ATP6V0A4: variants seen among roughly 807,000 people sequenced by gnomAD.
ATP6V0A4 encodes the protein V-type proton ATPase 116 kDa subunit a 4.
ATP6V0A4 carries 86 observed loss-of-function variants against 107.3 expected under a neutral mutation model. The observed-to-expected ratio is 0.80, with a 90% CI of 0.67 to 0.96. ATP6V0A4 has a LOEUF of 0.96. Among genes scored for constraint, ATP6V0A4 ranks in the 40% least tolerant of loss-of-function variants. The pLI, the probability that ATP6V0A4 is intolerant of heterozygous loss-of-function variation, is 0.00. For missense variants in ATP6V0A4, 908 were observed against 1,045.6 expected, an observed-to-expected ratio of 0.87 and a Z score of 1.81; for synonymous variants, 353 against 381.4, an observed-to-expected ratio of 0.93 and a Z score of 0.87.
chr7:138,756,458 C>A lies in ATP6V0A4; in HGVS notation c.722G>T (p.Gly241Val). 1 of 1,613,650 alleles carries A rather than the reference C, an allele frequency of 6.2e-7. No individual in the cohort carries two copies. The highest frequency in any genetic ancestry group is 8.5e-7 in the Non-Finnish European group (1 of 1,179,960). ...LRQKIKKICD[G>V]FRATVYPCPE... is the part of the protein sequence containing the mutation. Reference sequence around the variant, plus strand: ...GAAAGAGCCATTCACTCCCTCTTACCCATCACAGATCTTCTTGATTTTCTG... The same window carrying A: ...GAAAGAGCCATTCACTCCCTCTTACACATCACAGATCTTCTTGATTTTCTG... The change falls in exon 9 of 22, where the codon GGG becomes GTG. Residue 241 changes from glycine (G) to valine (V), a missense_variant and splice_region_variant. Gly to Val is a moderately radical substitution (Grantham distance 109, BLOSUM62 -3). Coordinates refer to ENST00000310018, the MANE Select transcript of ATP6V0A4 (RefSeq NM_020632.3).
intron 20 of ATP6V0A4, among the ~76,000 whole-genome samples, chr7:138,710,914 G>A (rs371883623): frequency 1.8e-4 from 27 of 152,272 alleles, no homozygotes; most frequent in African/African-American, 5.8e-4. Flanking sequence ...CCAAGTCAGA[G>A]GAATTCGAAG....
In ATP6V0A4 at chr7:138,749,158, G is replaced by A; in HGVS notation, c.1180+9C>T. On this transcript the variant is annotated intron_variant, in intron 12 of 21. Coordinates refer to ENST00000310018, the MANE Select transcript of ATP6V0A4 (RefSeq NM_020632.3). ...AGCTACCCAGTCGTGCAGTTCATCA[G>A]ATCTTTACCTGGGTTTATCTCCCGG... The A allele has an allele frequency of 1.2e-6, 2 of 1,613,946 alleles. No homozygotes were observed. The highest frequency in any genetic ancestry group is 8.5e-7 in the Non-Finnish European group (1 of 1,179,996).
chr7:138,761,599 C>T lies in ATP6V0A4; in HGVS notation c.512+741G>A. Among the ~76,000 whole-genome samples, 2 of 151,190 alleles carry T rather than the reference C, an allele frequency of 1.3e-5. 1 individual carries two copies. Among genetic ancestry groups the T allele is most frequent in the Non-Finnish European group, 2.9e-5 (2 of 67,888 alleles). On this transcript the variant is annotated intron_variant, in intron 7 of 21. Coordinates refer to ENST00000310018, the MANE Select transcript of ATP6V0A4 (RefSeq NM_020632.3). ...TAAGTCGAGATCAGGCCACTGCACTCCAGCCTGGACGACAGAGCAAGACTC... is the reference window on the plus strand; with the variant it reads ...TAAGTCGAGATCAGGCCACTGCACTTCAGCCTGGACGACAGAGCAAGACTC...
Position 138,709,798 on chromosome 7 carries a change from G to A in ATP6V0A4, c.2258-3C>T, listed in dbSNP as rs1417046841. The stretch of plus-strand genomic sequence containing the variant: ...AGTCCAGAGCACTTCAGACAGTTCT[G>A]CAAGGTACGAGAAACCACTGGGATT... On this transcript the variant is annotated splice_region_variant and splice_polypyrimidine_tract_variant and intron_variant, in intron 20 of 21. Transcript: ENST00000310018. The A allele has an allele frequency of 3.7e-6, 6 of 1,613,718 alleles. No homozygotes were observed. The highest frequency in any genetic ancestry group is 1.7e-4 in the Middle Eastern group (1 of 6,058).
At chr7:138,733,932 G>A (rs1486418612) in intron 16 of ATP6V0A4, among the ~76,000 whole-genome samples, 4 of 152,024 alleles carry the variant, frequency 2.6e-5, no homozygotes, top group African/African-American at 9.7e-5. Flanking sequence ...ACTTACCTTG[G>A]AGAGACTCTG....
chr7:138,735,768 C>G (rs949552900), intron 15 of ATP6V0A4, among the ~76,000 whole-genome samples: 7 of 92,824 alleles, frequency 7.5e-5, no homozygotes, highest in Admixed American at 6.1e-4. Context: ...GCAGTGAGGG[C>G]GGGTCTGCTA....
chr7:138,718,475 G>A (rs552698159), intron 19 of ATP6V0A4, among the ~76,000 whole-genome samples: 15 of 104,418 alleles, frequency 1.4e-4, no homozygotes, highest in Non-Finnish European at 2.2e-4. Flanking sequence ...GGGGGATGGC[G>A]GGGAGGGTGC....
chr7:138,713,700 C>T (rs1019878558), intron 20 of ATP6V0A4, among the ~76,000 whole-genome samples: 6 of 152,072 alleles, frequency 3.9e-5, no homozygotes, highest in African/African-American at 1.2e-4. Flanking sequence ...TTATGAAGGA[C>T]GAATTAAATA....
chr7:138,729,251 C>T (rs887290085), intron 17 of ATP6V0A4, among the ~76,000 whole-genome samples: 1 of 152,176 alleles, frequency 6.6e-6, no homozygotes, highest in Non-Finnish European at 1.5e-5. Flanking sequence ...GGCCTCATGA[C>T]TTTACCAGTC....
At chr7:138,733,189 A>G in intron 16 of ATP6V0A4, 96 bp from the exon 17 acceptor site, 1 of 1,550,652 alleles carries the variant, frequency 6.4e-7, no homozygotes, top group Non-Finnish European at 8.7e-7. Flanking sequence ...AAAATGTTCT[A>G]TCTTTTTTTT....
intron 11 of ATP6V0A4, 150 bp downstream of exon 11, chr7:138,752,475 G>A: frequency 1.0e-6 from 1 of 981,118 alleles, no homozygotes; most frequent in South Asian, 1.4e-5. Flanking sequence ...ATGTCCTCGA[G>A]TGGGGTTGAT....
Position 138,768,849 on chromosome 7 carries a change from A to T in ATP6V0A4, c.222T>A (p.Asn74Lys). ...TCTCGAGCAACTGAACTACAATCTC[A>T]TTTTGCATCTCGTCTTCCAGAAAAC... ...ILRFLEDEMQ[N>K]EIVVQLLEKS... The change falls in exon 5 of 22, where the codon AAT (asparagine) becomes AAA (lysine). Residue 74 changes from asparagine to lysine, a missense_variant. Physicochemically the swap from Asn to Lys is moderately conservative, Grantham distance 94. Coordinates refer to ENST00000310018, the MANE Select transcript of ATP6V0A4 (RefSeq NM_020632.3). 1 of 1,613,740 alleles carries T rather than the reference A, an allele frequency of 6.2e-7. No homozygotes were observed.
Position 138,716,009 on chromosome 7 carries a change from G to T in ATP6V0A4, c.2140-128C>A, listed in dbSNP as rs916658456. 5.4e-6 allele frequency: 7 copies of T among 1,287,354 alleles called. No homozygotes were observed. The African/African-American group carries it at 8.9e-5, about 16-fold the overall frequency. 79.7% of individuals were successfully genotyped at this position (1,287,354 alleles called of 1,614,324 possible). A position where few individuals can be genotyped will look rare whatever the true frequency, so the allele number is the denominator to read the frequency against. On this transcript the variant is annotated intron_variant, in intron 19 of 21. Coordinates refer to ENST00000310018, the MANE Select transcript of ATP6V0A4 (RefSeq NM_020632.3). ...CACTTTCAGTCTAACTAGGGGAAAA[G>T]AAATAGTAATAGACTTAGAGAAAGA...
chr7:138,769,147 G>GAA (rs55813808), intron 4 of ATP6V0A4, 26 bp downstream of exon 4: 96 of 1,560,832 alleles, frequency 6.2e-5, no homozygotes, highest in Admixed American at 4.2e-4. Context: ...TGAACAGTAA[G>GAA]AAAAAAAAAA....
At chr7:138,714,516 G>A (rs540198033) in intron 20 of ATP6V0A4, among the ~76,000 whole-genome samples, 1 of 152,220 alleles carries the variant, frequency 6.6e-6, no homozygotes, top group Non-Finnish European at 1.5e-5. Flanking sequence ...GATCAGCCTG[G>A]GCAACATAGT....
At chr7:138,785,861 C>T (rs1294952935) in intron 2 of ATP6V0A4, among the ~76,000 whole-genome samples, 1 of 152,200 alleles carries the variant, frequency 6.6e-6, no homozygotes, top group East Asian at 1.9e-4. Flanking sequence ...GAACCAGGAT[C>T]ATCCCTGCCA....
chr7:138,733,088 A>C lies in ATP6V0A4; in HGVS notation c.1697T>G (p.Phe566Cys). Residue 566 changes from phenylalanine (F) to cysteine (C), a missense_variant, in exon 17 of 22, where the codon TTC (phenylalanine) becomes TGC (cysteine). Transcript: ENST00000310018. ...VILSLFNHIY[F>C]RRTLNIILQF... Reference sequence around the variant, plus strand: ...CAGAATGATGTTGAGAGTTCTTCTGAAGTATCTGGGGGTGGAAGACACACA... The same window carrying C: ...CAGAATGATGTTGAGAGTTCTTCTGCAGTATCTGGGGGTGGAAGACACACA... 1.2e-6 allele frequency: 2 copies of C among 1,613,998 alleles called. No homozygotes were observed. Among genetic ancestry groups the C allele is most frequent in the South Asian group, 2.2e-5 (2 of 91,076 alleles).
At chr7:138,759,964 T>G (rs967033995) in intron 7 of ATP6V0A4, 86 bp from the exon 8 acceptor site, 1 of 1,604,666 alleles carries the variant, frequency 6.2e-7, no homozygotes, top group African/African-American at 1.3e-5. Flanking sequence ...AGACACACCA[T>G]GAAAGGAAGG....
At chr7:138,713,870 G>A (rs1178823965) in intron 20 of ATP6V0A4, among the ~76,000 whole-genome samples, 1 of 151,558 alleles carries the variant, frequency 6.6e-6, no homozygotes, top group Non-Finnish European at 1.5e-5. Context: ...GGAGGCCAAG[G>A]CAGGAGGACT....
Sources: gnomAD v4.1 joint callset for allele counts (sites outside exome capture counted in the v4.1 genomes callset) on GRCh38, gnomAD v4.1.1 for gene constraint, MANE v1.5 for transcripts, NCBI Gene and HGNC (gene_info 2026-07-23, HGNC 2026-07-21) for gene names.